The following SLC4A8 variants were observed in gnomAD, a reference collection of about 807,000 sequenced individuals.
The protein encoded by SLC4A8 is solute carrier family 4 member 8.
Under a neutral mutation model 125.0 loss-of-function variants are expected in SLC4A8, and 40 were observed. The ratio of observed to expected loss-of-function variants is 0.32; its 90% confidence interval spans 0.25 to 0.42. The LOEUF (loss-of-function observed/expected upper bound fraction) is 0.42, where lower values mean the gene tolerates loss of function less well. SLC4A8 is among the 10% of genes least tolerant of loss of function. The pLI is 1.00. For synonymous variants in SLC4A8, 456 were observed against 476.0 expected (o/e 0.96, Z 0.55); for missense variants, 863 against 1,355.1 (o/e 0.64, Z 5.70).
intron 1 of SLC4A8, chr12:51,402,988 GAATGACTGC>G (rs1202735207): frequency 1.2e-5 from 4 of 331,462 alleles, no homozygotes; most frequent in Non-Finnish European, 2.4e-5. Context: ...GAGACTCTGA[GAATGACTGC>G]ATGAAGTCCC....
At chr12:51,436,186 A>G (rs937219596) in intron 1 of SLC4A8, among the ~76,000 whole-genome samples, 2 of 152,230 alleles carry the variant, frequency 1.3e-5, no homozygotes, top group African/African-American at 4.8e-5. Context: ...GAGTGACAGA[A>G]TAAATTCACA....
At chr12:51,406,257 C>T (rs149179490) in intron 1 of SLC4A8, among the ~76,000 whole-genome samples, 1 of 152,134 alleles carries the variant, frequency 6.6e-6, no homozygotes, top group Non-Finnish European at 1.5e-5. Flanking sequence ...TAAAATTATC[C>T]CGAGGGAGAG....
chr12:51,427,916 C>CTTCAGT (rs1437701048), intron 1 of SLC4A8, among the ~76,000 whole-genome samples: 1 of 152,174 alleles, frequency 6.6e-6, no homozygotes, highest in Non-Finnish European at 1.5e-5. Flanking sequence ...TCTTGAAACC[C>CTTCAGT]TTCAGTGGCT....
chr12:51,503,414 T>A, intron 22 of SLC4A8, among the ~76,000 whole-genome samples: 1 of 151,574 alleles, frequency 6.6e-6, no homozygotes, highest in East Asian at 2.0e-4. Flanking sequence ...GGTTTCACCG[T>A]GTTAGCCAGG....
chr12:51,493,191 A>G (rs1314681424), intron 19 of SLC4A8, among the ~76,000 whole-genome samples: 2 of 152,174 alleles, frequency 1.3e-5, no homozygotes, highest in African/African-American at 4.8e-5. Context: ...CAAGTGCAGT[A>G]TAATAATGTC....
At position 51,433,199 on chromosome 12, in the gene SLC4A8, C is replaced by T. The variant is rs568774509; in HGVS notation, c.49-7509C>T. On this transcript the variant is annotated intron_variant, in intron 1 of 24. Coordinates refer to ENST00000453097, the MANE Select transcript of SLC4A8 (RefSeq NM_001039960.3). ...GTTATAATTCATTCATTTTTCAAGG[C>T]TCATGACAATGCTTTCTTTCTCAAG... Among the ~76,000 whole-genome samples the T allele has an allele frequency of 1.2e-4, 18 of 152,286 alleles. No individual in the cohort carries two copies. The South Asian group carries it at 2.3e-3, about 19-fold the overall frequency.
chr12:51,434,984 A>G (rs1307902398), intron 1 of SLC4A8, among the ~76,000 whole-genome samples: 4 of 152,202 alleles, frequency 2.6e-5, no homozygotes, highest in East Asian at 1.9e-4. Context: ...ATTGATGAAT[A>G]TAAGACCCAG....
chr12:51,481,224 C>A (rs983574928), intron 16 of SLC4A8, among the ~76,000 whole-genome samples: 2 of 152,122 alleles, frequency 1.3e-5, no homozygotes, highest in African/African-American at 4.8e-5. Context: ...TTTTTAGTGT[C>A]CCCACCCCGT....
At chr12:51,443,958 A>G (rs1026726758) in intron 2 of SLC4A8, among the ~76,000 whole-genome samples, 2 of 152,198 alleles carry the variant, frequency 1.3e-5, no homozygotes, top group African/African-American at 2.4e-5. Context: ...CTGCATGTGT[A>G]TATGTACTTA....
At chr12:51,470,257 A>G (rs554620361) in intron 12 of SLC4A8, 135 bp from the exon 13 acceptor site, 1 of 748,300 alleles carries the variant, frequency 1.3e-6, no homozygotes, top group South Asian at 1.8e-5. Context: ...GTGTGTACAC[A>G]TCACTCTTGC....
chr12:51,480,715 A>G (rs910451990), intron 16 of SLC4A8: 17 of 596,098 alleles, frequency 2.9e-5, no homozygotes, highest in Middle Eastern at 8.8e-4. Context: ...AAAAAAATTT[A>G]CAGAAAAGAC....
At chr12:51,420,209 G>C (rs1296449867), upstream of SLC4A8, 5 of 152,262 alleles carry the variant, frequency 3.3e-5, no homozygotes, top group African/African-American at 1.2e-4. Context: ...GTTTAGATGT[G>C]TAAGTAAGAG....
intron 14 of SLC4A8, among the ~76,000 whole-genome samples, chr12:51,473,341 T>C (rs1950762450): frequency 6.6e-6 from 1 of 152,238 alleles, no homozygotes; most frequent in Admixed American, 6.5e-5. Context: ...CTTTGTAATA[T>C]GCATTTAAGG....
At chr12:51,426,399 G>A (rs1948980255) in intron 1 of SLC4A8, among the ~76,000 whole-genome samples, 2 of 152,140 alleles carry the variant, frequency 1.3e-5, no homozygotes, top group South Asian at 2.1e-4. Flanking sequence ...TCATTTAGTG[G>A]GGGAGGGGAG....
upstream of SLC4A8, among the ~76,000 whole-genome samples, chr12:51,424,054 C>CAAAAAA (rs1334821004): frequency 1.3e-5 from 1 of 77,446 alleles, no homozygotes; most frequent in Non-Finnish European, 2.5e-5. Context: ...AAAAAAAAAA[C>CAAAAAA]AAAAAAAACA....
At chr12:51,470,252 T>C in intron 12 of SLC4A8, 140 bp from the exon 13 acceptor site, 2 of 721,002 alleles carry the variant, frequency 2.8e-6, no homozygotes, top group Non-Finnish European at 4.8e-6. Flanking sequence ...ACATGGTGTG[T>C]ACACATCACT....
intron 16 of SLC4A8, among the ~76,000 whole-genome samples, chr12:51,479,415 G>A (rs1310241675): frequency 2.6e-5 from 4 of 152,074 alleles, no homozygotes; most frequent in African/African-American, 7.2e-5. Context: ...GGCTGTGTGC[G>A]GTGGCTCATG....
chr12:51,433,851 GT>G (rs869249897), intron 1 of SLC4A8, among the ~76,000 whole-genome samples: 5,756 of 64,512 alleles, frequency 0.089, 194 homozygotes, highest in South Asian at 0.15. Flanking sequence ...CACACCATCT[GT>G]TTTTTTTTTT....
chr12:51,453,177 C>G (rs1224742260), intron 4 of SLC4A8, among the ~76,000 whole-genome samples: 1 of 151,868 alleles, frequency 6.6e-6, no homozygotes, highest in Non-Finnish European at 1.5e-5. Flanking sequence ...TTTAATTGTA[C>G]AGGTAATGCA....
Sources: allele counts gnomAD v4.1 joint callset (sites outside exome capture counted in the v4.1 genomes callset), GRCh38; gene constraint gnomAD v4.1.1; transcripts MANE v1.5; gene names NCBI Gene and HGNC (gene_info 2026-07-23, HGNC 2026-07-21).